The following MDGA2 variants were observed in gnomAD, a reference collection of about 807,000 sequenced individuals.
MDGA2 encodes MAM domain-containing glycosylphosphatidylinositol anchor protein 2.
A neutral mutation model predicts 117.8 loss-of-function variants in MDGA2; 40 were observed. That is an observed-to-expected ratio of 0.34 (90% CI 0.26 to 0.44). The LOEUF is 0.44. Among genes scored for constraint, MDGA2 ranks in the 20% least tolerant of loss-of-function variants. MDGA2 has a pLI of 1.00. For missense variants in MDGA2, 1,123 were observed against 1,250.6 expected, an observed-to-expected ratio of 0.90 and a Z score of 1.54; for synonymous variants, 452 against 439.0, an observed-to-expected ratio of 1.03 and a Z score of -0.37.
intron 8 of MDGA2, among the ~76,000 whole-genome samples, chr14:46,993,672 G>A (rs1257957044): frequency 6.6e-6 from 1 of 152,012 alleles, no homozygotes; most frequent in Non-Finnish European, 1.5e-5. Flanking sequence ...TGTTGGCCAG[G>A]CTGGTCTTGA....
chr14:47,574,615 T>G (rs749975191), intron 1 of MDGA2, among the ~76,000 whole-genome samples: 2 of 152,158 alleles, frequency 1.3e-5, no homozygotes, highest in Admixed American at 6.6e-5. Context: ...GTTCTTTGCC[T>G]TCATGTCTAG....
chr14:46,907,893 C>G (rs996003552), intron 10 of MDGA2, among the ~76,000 whole-genome samples: 6 of 152,086 alleles, frequency 3.9e-5, no homozygotes, highest in Non-Finnish European at 4.4e-5. Context: ...TTCCTGAGTA[C>G]GTAGTTAAGG....
chr14:47,103,191 G>A (rs17118061), intron 5 of MDGA2, among the ~76,000 whole-genome samples: 17,007 of 152,204 alleles, frequency 0.11, 1,091 homozygotes, highest in Admixed American at 0.11. Flanking sequence ...AATCCAGCTT[G>A]TATGTAGAGA....
intron 1 of MDGA2, among the ~76,000 whole-genome samples, chr14:47,361,203 CTCTCTATA>C (rs1300973473): frequency 1.5e-5 from 2 of 130,214 alleles, no homozygotes; most frequent in Admixed American, 7.7e-5. Context: ...CTCTCTCTCT[CTCTCTATA>C]TATATATATA....
At chr14:47,126,205 T>C (rs532714591) in intron 5 of MDGA2, among the ~76,000 whole-genome samples, 3 of 152,164 alleles carry the variant, frequency 2.0e-5, no homozygotes, top group East Asian at 3.9e-4. Context: ...GTTAAAGATA[T>C]ATATAAATTT....
chr14:47,556,434 C>T (rs1264469995), intron 1 of MDGA2, among the ~76,000 whole-genome samples: 1 of 152,224 alleles, frequency 6.6e-6, no homozygotes, highest in African/African-American at 2.4e-5. Context: ...AGAAATTCAT[C>T]TGCACTTGTT....
chr14:47,267,071 A>T (rs1399701710), intron 2 of MDGA2, among the ~76,000 whole-genome samples: 1 of 152,182 alleles, frequency 6.6e-6, no homozygotes, highest in African/African-American at 2.4e-5. Context: ...GTTTATTCAG[A>T]GGATTAATGA....
At chr14:46,997,341 T>C (rs1887332491) in intron 8 of MDGA2, among the ~76,000 whole-genome samples, 1 of 152,098 alleles carries the variant, frequency 6.6e-6, no homozygotes. Context: ...TAGTCTTCTG[T>C]TTTTGCTTCT....
chr14:47,340,384 A>G (rs1890585687), intron 1 of MDGA2, among the ~76,000 whole-genome samples: 1 of 152,186 alleles, frequency 6.6e-6, no homozygotes, highest in Non-Finnish European at 1.5e-5. Flanking sequence ...CCAGTCAGTA[A>G]ACCAAAATGA....
In MDGA2 at chr14:47,256,072, C is replaced by T. The variant is rs188435587; in HGVS notation, c.421-37877G>A. ...TCAAAGTTTGGGTTATTTTAATGGG[C>T]CTTTTTTGGTTTTAAATCAAATTTC... On this transcript the variant is annotated intron_variant, in intron 2 of 16. Coordinates refer to ENST00000399232, the MANE Select transcript of MDGA2 (RefSeq NM_001113498.3). Among the ~76,000 whole-genome samples, 6 of 151,632 alleles carry T rather than the reference C, an allele frequency of 4.0e-5. No homozygotes were observed. The East Asian group carries it at 1.2e-3, about 30-fold the overall frequency.
chr14:47,233,682 G>A (rs1270034298), intron 2 of MDGA2, among the ~76,000 whole-genome samples: 2 of 152,094 alleles, frequency 1.3e-5, no homozygotes, highest in Admixed American at 6.6e-5. Context: ...TACGCAAAGG[G>A]CGGGAAAACA....
intron 1 of MDGA2, among the ~76,000 whole-genome samples, chr14:47,417,461 A>G (rs1267077846): frequency 6.6e-6 from 1 of 152,156 alleles, no homozygotes; most frequent in Non-Finnish European, 1.5e-5. Context: ...TACCATCTAT[A>G]CTTCGACCAA....
chr14:46,849,991 G>T (rs879921334), intron 15 of MDGA2, among the ~76,000 whole-genome samples: 3 of 151,656 alleles, frequency 2.0e-5, no homozygotes, highest in Admixed American at 6.6e-5. Flanking sequence ...TGTTCCTCCC[G>T]CACAATAGCA....
intron 10 of MDGA2, among the ~76,000 whole-genome samples, chr14:46,898,904 GTATT>G (rs2138439640): frequency 6.6e-6 from 1 of 152,130 alleles, no homozygotes; most frequent in African/African-American, 2.4e-5. Context: ...AGCAAAGAAA[GTATT>G]TAATTGTCCA....
intron 8 of MDGA2, among the ~76,000 whole-genome samples, chr14:47,026,431 T>C (rs1175528548): frequency 6.6e-6 from 1 of 152,060 alleles, no homozygotes; most frequent in Non-Finnish European, 1.5e-5. Flanking sequence ...GCATGGGTCT[T>C]TGATTAGAAA....
chr14:47,491,656 A>G (rs1894171921), intron 1 of MDGA2, among the ~76,000 whole-genome samples: 1 of 152,172 alleles, frequency 6.6e-6, no homozygotes, highest in Admixed American at 6.6e-5. Flanking sequence ...GGTATCCCAG[A>G]TATACAGCCA....
intron 1 of MDGA2, among the ~76,000 whole-genome samples, chr14:47,359,084 G>A (rs879821281): frequency 7.2e-5 from 11 of 152,164 alleles, no homozygotes; most frequent in Non-Finnish European, 1.5e-4. Context: ...GGCCAGGCAC[G>A]GTGGCTCACG....
chr14:47,507,774 T>C (rs1023738119), intron 1 of MDGA2, among the ~76,000 whole-genome samples: 15 of 152,206 alleles, frequency 9.9e-5, no homozygotes, highest in African/African-American at 3.6e-4. Flanking sequence ...TCATACAAAA[T>C]TTTGTTTCTG....
chr14:46,864,445 T>C (rs934193256), intron 14 of MDGA2, among the ~76,000 whole-genome samples: 10 of 151,508 alleles, frequency 6.6e-5, no homozygotes, highest in Non-Finnish European at 1.2e-4. Flanking sequence ...AGTCTGGTTT[T>C]TATTGCTTTC....
Sources: gnomAD v4.1 joint callset for allele counts (sites outside exome capture counted in the v4.1 genomes callset) on GRCh38, gnomAD v4.1.1 for gene constraint, MANE v1.5 for transcripts, NCBI Gene and HGNC (gene_info 2026-07-23, HGNC 2026-07-21) for gene names.